The following SSR1 variants were observed in gnomAD, a reference collection of about 807,000 sequenced individuals.
SSR1 encodes the protein translocon-associated protein subunit alpha.
A neutral mutation model predicts 36.1 loss-of-function variants in SSR1; 13 were observed. The observed-to-expected ratio is 0.36, with a 90% CI of 0.23 to 0.57. SSR1 has a LOEUF of 0.57. SSR1 is among the 20% of genes least tolerant of loss of function. The pLI is 0.81. For synonymous variants in SSR1, 113 were observed against 118.9 expected, an observed-to-expected ratio of 0.95 and a Z score of 0.32; for missense variants, 291 against 338.5, an observed-to-expected ratio of 0.86 and a Z score of 1.10.
chr6:7,298,153 G>A, intron 5 of SSR1, 152 bp from the exon 6 acceptor site: 1 of 502,114 alleles, frequency 2.0e-6, no homozygotes, highest in Non-Finnish European at 3.4e-6. Context: ...AATCCAGGTA[G>A]TTAAGTTTTA....
intron 2 of SSR1, among the ~76,000 whole-genome samples, chr6:7,304,870 C>A (rs936282864): frequency 6.6e-6 from 1 of 152,160 alleles, no homozygotes; most frequent in Admixed American, 6.5e-5. Flanking sequence ...TTGTCAAGAG[C>A]AAAGATTATC....
chr6:7,301,165 G>C (rs551305994), intron 4 of SSR1, 145 bp downstream of exon 4: 2 of 987,234 alleles, frequency 2.0e-6, no homozygotes, highest in Non-Finnish European at 2.9e-6. Context: ...AAGAAGAAAC[G>C]TGCAATTTAT....
At position 7,295,175 on chromosome 6, in the gene SSR1, T is replaced by C. The variant is rs1281422468; in HGVS notation, c.793+217A>G. On this transcript the variant is annotated intron_variant, in intron 7 of 7. Coordinates refer to ENST00000244763, the MANE Select transcript of SSR1 (RefSeq NM_003144.5). ...AAAATTCACACATTCATAAATAAGC[T>C]GCAGATCTGGAAGAATTTCCAAATT... is the stretch of plus-strand genomic sequence containing the variant. 8.2e-6 allele frequency: 12 copies of C among 1,458,106 alleles called. No homozygotes were observed. The East Asian group carries it at 3.0e-4, about 36-fold the overall frequency. The allele number at this position is 1,458,106 out of a possible 1,614,324, so 90.3% of individuals were successfully genotyped here. A position where few individuals can be genotyped will look rare whatever the true frequency, so the allele number is the denominator to read the frequency against.
intron 4 of SSR1, among the ~76,000 whole-genome samples, chr6:7,299,038 G>A (rs1561832052): frequency 6.6e-6 from 1 of 152,136 alleles, no homozygotes; most frequent in Non-Finnish European, 1.5e-5. Flanking sequence ...CAGGTGAGAT[G>A]GCGTATGCCT....
rs10004 is a variant in SSR1 at position 7,310,026 on chromosome 6, A to G, written c.83T>C (p.Leu28Ser). The G allele has an allele frequency of 0.26, 423,696 of 1,605,814 alleles. 58,767 individuals carry two copies. The highest frequency in any genetic ancestry group is 0.46 in the African/African-American group (34,475 of 74,610). ...TVLFRGGPRGLLAVAQDLTED... is the reference protein window; with the variant it reads ...TVLFRGGPRGSLAVAQDLTED... ...TGTAAGATCTTGTGCCACTGCTAAC[A>G]AGCCTAATGATAAAATACAGAAAAA... is the stretch of plus-strand genomic sequence containing the variant. The change falls in exon 2 of 8, where the codon TTG becomes TCG. Residue 28 changes from leucine to serine, a missense_variant. Physicochemically the swap from Leu to Ser is moderately radical, Grantham distance 145. Transcript: ENST00000244763.
At chr6:7,290,160 T>G (rs1757651030) in intron 7 of SSR1, among the ~76,000 whole-genome samples, 2 of 152,146 alleles carry the variant, frequency 1.3e-5, no homozygotes, top group Admixed American at 1.3e-4. Context: ...GCAATTAGGG[T>G]GGGTAAGAGA....
chr6:7,291,271 G>A (rs1581626763), intron 7 of SSR1, among the ~76,000 whole-genome samples: 3 of 151,980 alleles, frequency 2.0e-5, no homozygotes, highest in East Asian at 1.9e-4. Flanking sequence ...GGCAGTACAC[G>A]CCTGTGATCT....
chr6:7,287,785 TA>T lies in SSR1; in HGVS notation c.*2078del, dbSNP rs1452323789. The T allele has an allele frequency of 1.8e-4, 27 of 152,680 alleles. No homozygotes were observed. Among genetic ancestry groups the T allele is most frequent in the African/African-American group, 6.0e-4 (25 of 41,460 alleles). 9.5% of individuals were successfully genotyped at this position (152,680 alleles called of 1,614,324 possible). On this transcript the variant is annotated 3_prime_UTR_variant, in exon 8 of 8. Coordinates refer to ENST00000244763, the MANE Select transcript of SSR1 (RefSeq NM_003144.5). ...AAAGACATTTAAAAAATAGGCTACT[TA>T]TTAAGTGTGCTTGAACAAACCATGT... is the stretch of plus-strand genomic sequence containing the variant.
At chr6:7,310,179 A>T (rs1045908931) in intron 1 of SSR1, 150 bp from the exon 2 acceptor site, 1 of 600,010 alleles carries the variant, frequency 1.7e-6, no homozygotes, top group East Asian at 2.8e-5. Context: ...GCACCGAAGA[A>T]TATTTATATT....
At chr6:7,303,477 T>C in intron 3 of SSR1, 73 bp downstream of exon 3, 1 of 1,004,630 alleles carries the variant, frequency 1.0e-6, no homozygotes, top group East Asian at 2.4e-5. Context: ...GATATGGGTA[T>C]TCAGATATAT....
intron 2 of SSR1, among the ~76,000 whole-genome samples, chr6:7,306,609 T>C (rs7758348): frequency 0.33 from 49,351 of 151,632 alleles, 8,596 homozygotes; most frequent in African/African-American, 0.46. Flanking sequence ...GAATAATCAA[T>C]GGGTTAGAAA....
chr6:7,309,603 G>A (rs575053244), intron 2 of SSR1, among the ~76,000 whole-genome samples: 4 of 152,314 alleles, frequency 2.6e-5, no homozygotes, highest in African/African-American at 4.8e-5. Flanking sequence ...AATGAATCAC[G>A]GGGACGGTTA....
intron 5 of SSR1, 53 bp from the exon 6 acceptor site, chr6:7,298,054 G>T: frequency 7.6e-7 from 1 of 1,307,240 alleles, no homozygotes; most frequent in Non-Finnish European, 1.1e-6. Flanking sequence ...GAAATACCAC[G>T]TCTAATTACA....
chr6:7,295,365 C>T (rs1757770597), intron 7 of SSR1, 27 bp downstream of exon 7: 1 of 1,558,332 alleles, frequency 6.4e-7, no homozygotes, highest in East Asian at 2.2e-5. Flanking sequence ...AGAAAAACTT[C>T]CCAGCCAAGT....
rs1055423039 is a variant in SSR1 at position 7,285,560 on chromosome 6, T to C, written c.*4304A>G. ...CCAGGCCTGTGGTGTGCGCCTGTGG[T>C]CCCAAATACTTGGAAAGCTGAAGCA... On this transcript the variant is annotated 3_prime_UTR_variant, in exon 8 of 8. Transcript: ENST00000244763. The surrounding 1 kb of genome is among the most constrained non-coding windows in gnomAD (Gnocchi z 4.1). 6.6e-6 allele frequency: 1 copy of C among 151,942 alleles called. No individual in the cohort carries two copies. The highest frequency in any genetic ancestry group is 1.5e-5 in the Non-Finnish European group (1 of 68,068). 9.4% of individuals were successfully genotyped at this position (151,942 alleles called of 1,614,324 possible).
In SSR1 at chr6:7,288,642, G is replaced by A. The variant is rs1313165674; in HGVS notation, c.*1222C>T. The A allele has an allele frequency of 2.0e-5, 3 of 152,546 alleles. No homozygotes were observed. The highest frequency in any genetic ancestry group is 7.2e-5 in the African/African-American group (3 of 41,434). 9.4% of individuals were successfully genotyped at this position (152,546 alleles called of 1,614,324 possible). ...AGGAGAATATGGCTTAAAGACAAGAGGGGGAGAGCCTCTTAATTGTTCATA... is the reference window on the plus strand; with the variant it reads ...AGGAGAATATGGCTTAAAGACAAGAAGGGGAGAGCCTCTTAATTGTTCATA... On this transcript the variant is annotated 3_prime_UTR_variant, in exon 8 of 8. Transcript: ENST00000244763.
intron 6 of SSR1, 39 bp from the exon 7 acceptor site, chr6:7,295,524 TACA>T: frequency 7.4e-7 from 1 of 1,346,458 alleles, no homozygotes; most frequent in Non-Finnish European, 1.0e-6. Flanking sequence ...GGAGTTCCGT[TACA>T]CCATTTACTT....
intron 6 of SSR1, 21 bp from the exon 7 acceptor site, chr6:7,295,506 A>G: frequency 6.6e-7 from 1 of 1,525,030 alleles, no homozygotes; most frequent in South Asian, 1.2e-5. Flanking sequence ...ATAAAGACAT[A>G]TTTTAAAGGA....
intron 2 of SSR1, among the ~76,000 whole-genome samples, chr6:7,307,483 A>G (rs1232057897): frequency 6.6e-6 from 1 of 152,218 alleles, no homozygotes; most frequent in East Asian, 1.9e-4. Flanking sequence ...GTTCTGGTCA[A>G]CGACACAAGG....
Sources: gnomAD v4.1 joint callset for allele counts (sites outside exome capture counted in the v4.1 genomes callset) on GRCh38, gnomAD v4.1.1 for gene constraint, Gnocchi (gnomAD v3.1) non-coding constraint, MANE v1.5 for transcripts, NCBI Gene and HGNC (gene_info 2026-07-23, HGNC 2026-07-21) for gene names.